GRIN3A: variants seen among roughly 807,000 people sequenced by gnomAD.
GRIN3A encodes the protein glutamate receptor ionotropic, NMDA 3A.
In GRIN3A, 47 loss-of-function variants were observed where a neutral mutation model predicts 92.4. The ratio of observed to expected loss-of-function variants is 0.51; its 90% CI spans 0.40 to 0.65. The LOEUF is 0.65. Among genes scored for constraint, GRIN3A ranks in the 30% least tolerant of loss-of-function variants. The pLI is 0.00. For missense variants in GRIN3A, 1,324 were observed against 1,393.1 expected, an observed-to-expected ratio of 0.95 and a Z score of 0.79; for synonymous variants, 527 against 540.6, an observed-to-expected ratio of 0.97 and a Z score of 0.35.
chr9:101,663,425 G>T (rs1829201361), intron 3 of GRIN3A, among the ~76,000 whole-genome samples: 1 of 151,850 alleles, frequency 6.6e-6, no homozygotes, highest in Admixed American at 6.6e-5. Flanking sequence ...GCTTGGGCTA[G>T]AAGTTGCTGT....
chr9:101,654,302 C>T (rs933740782), intron 3 of GRIN3A, among the ~76,000 whole-genome samples: 4 of 151,276 alleles, frequency 2.6e-5, no homozygotes, highest in African/African-American at 9.7e-5. Flanking sequence ...TATACCTATG[C>T]ACACACATAT....
At chr9:101,612,195 G>A (rs543575486) in intron 6 of GRIN3A, among the ~76,000 whole-genome samples, 4 of 152,332 alleles carry the variant, frequency 2.6e-5, no homozygotes, top group African/African-American at 9.6e-5. Context: ...AAGAATGATG[G>A]CTTGGACTCG....
intron 3 of GRIN3A, among the ~76,000 whole-genome samples, chr9:101,636,589 A>G (rs948541450): frequency 6.6e-6 from 1 of 152,232 alleles, no homozygotes; most frequent in Non-Finnish European, 1.5e-5. Flanking sequence ...CCTCTAGTAT[A>G]TATTGTTATC....
chr9:101,667,266 T>G (rs1829252236), intron 3 of GRIN3A, among the ~76,000 whole-genome samples: 1 of 151,934 alleles, frequency 6.6e-6, no homozygotes, highest in Non-Finnish European at 1.5e-5. Context: ...TAGGTATACT[T>G]TATAGGTAAT....
rs76497586 is a variant in GRIN3A at position 101,654,470 on chromosome 9, A to G, written c.2352+15590T>C. ...GTAACATAATGTGAAATTTACATAC[A>G]TATTTCTTGTTGATGTCTAGTCTAT... is the stretch of plus-strand genomic sequence containing the variant. On this transcript the variant is annotated intron_variant, in intron 3 of 8. Transcript: ENST00000361820. Among the ~76,000 whole-genome samples the G allele has an allele frequency of 4.6e-3, 692 of 151,738 alleles. 4 individuals carry two copies. The highest frequency in any genetic ancestry group is 0.015 in the African/African-American group (635 of 41,458).
chr9:101,661,336 A>G (rs996510956), intron 3 of GRIN3A, among the ~76,000 whole-genome samples: 2 of 151,904 alleles, frequency 1.3e-5, no homozygotes, highest in Non-Finnish European at 2.9e-5. Context: ...AAATAATACA[A>G]TAAATATTTC....
chr9:101,658,401 G>A (rs1015022757), intron 3 of GRIN3A, among the ~76,000 whole-genome samples: 2 of 151,828 alleles, frequency 1.3e-5, no homozygotes, highest in Admixed American at 1.3e-4. Context: ...TTAGGCTGAT[G>A]GTTAATCATC....
rs544327119 is a variant in GRIN3A at position 101,686,803 on chromosome 9, C to T, written c.1097G>A (p.Arg366Lys). 6.2e-7 allele frequency: 1 copy of T among 1,614,156 alleles called. No homozygotes were observed. The highest frequency in any genetic ancestry group is 1.7e-5 in the Admixed American group (1 of 60,016). Reference protein sequence around the residue: ...LGDSQNVEELRTEGLPLGLIA... With the variant: ...LGDSQNVEELKTEGLPLGLIA... ...GAGCCCTAAGGGCAGACCCTCTGTC[C>T]TCAGTTCCTCCACATTCTGGGAATC... Residue 366 changes from arginine to lysine, a missense_variant, in exon 2 of 9, where the codon AGG becomes AAG. By Grantham distance (26) the Arg-to-Lys change is conservative (BLOSUM62 2). Coordinates refer to ENST00000361820, the MANE Select transcript of GRIN3A (RefSeq NM_133445.3).
chr9:101,609,344 CTAT>C (rs1828327953), intron 6 of GRIN3A, among the ~76,000 whole-genome samples: 2 of 152,182 alleles, frequency 1.3e-5, no homozygotes, highest in Admixed American at 1.3e-4. Flanking sequence ...ATTAGTACTT[CTAT>C]TATTTACTAT....
At chr9:101,638,199 TATC>T (rs1828809053) in intron 3 of GRIN3A, among the ~76,000 whole-genome samples, 1 of 152,158 alleles carries the variant, frequency 6.6e-6, no homozygotes, top group Non-Finnish European at 1.5e-5. Flanking sequence ...GTGTAGAGCC[TATC>T]ATCATGGTCT....
intron 3 of GRIN3A, 113 bp from the exon 4 acceptor site, chr9:101,628,514 C>T (rs1828667613): frequency 2.0e-6 from 2 of 996,662 alleles, no homozygotes; most frequent in East Asian, 2.6e-5. Context: ...TTTCTAACCC[C>T]CACAGGCAGA....
intron 3 of GRIN3A, among the ~76,000 whole-genome samples, chr9:101,666,021 T>G (rs1183215848): frequency 1.3e-5 from 2 of 151,906 alleles, no homozygotes; most frequent in Non-Finnish European, 2.9e-5. Context: ...AAAATTAGAA[T>G]TCAAAGTATA....
At chr9:101,661,854 G>C (rs776304704) in intron 3 of GRIN3A, among the ~76,000 whole-genome samples, 1 of 151,808 alleles carries the variant, frequency 6.6e-6, no homozygotes, top group Non-Finnish European at 1.5e-5. Flanking sequence ...ATCTTAATGT[G>C]CTTCCACTAA....
intron 6 of GRIN3A, among the ~76,000 whole-genome samples, chr9:101,608,331 C>A (rs998314686): frequency 2.0e-5 from 3 of 152,160 alleles, no homozygotes; most frequent in African/African-American, 7.2e-5. Context: ...ACAACTTGAT[C>A]CTGATATTAG....
intron 2 of GRIN3A, among the ~76,000 whole-genome samples, chr9:101,674,814 T>TAGTAAGC (rs1398957426): frequency 6.6e-6 from 1 of 151,824 alleles, no homozygotes; most frequent in Non-Finnish European, 1.5e-5. Flanking sequence ...TAAGAGGAGG[T>TAGTAAGC]AGTAAGCATA....
chr9:101,589,708 A>G, intron 6 of GRIN3A, among the ~76,000 whole-genome samples: 1 of 152,112 alleles, frequency 6.6e-6, no homozygotes, highest in East Asian at 1.9e-4. Flanking sequence ...TTTATTATAT[A>G]AAAGTTTGAA....
At chr9:101,708,244 A>T (rs555572248) in intron 1 of GRIN3A, among the ~76,000 whole-genome samples, 1 of 152,258 alleles carries the variant, frequency 6.6e-6, no homozygotes, top group African/African-American at 2.4e-5. Context: ...TGATTTTAAG[A>T]CTTGAATAGT....
intron 1 of GRIN3A, among the ~76,000 whole-genome samples, chr9:101,718,960 A>C (rs574844477): frequency 6.6e-6 from 1 of 152,356 alleles, no homozygotes; most frequent in South Asian, 2.1e-4. Context: ...TAGGTAAAAC[A>C]ACAAGTTAAT....
At chr9:101,624,876 G>T (rs1046024023) in intron 4 of GRIN3A, among the ~76,000 whole-genome samples, 1 of 152,124 alleles carries the variant, frequency 6.6e-6, no homozygotes, top group African/African-American at 2.4e-5. Context: ...AGTTAGAATG[G>T]CAATCATTAA....
Sources: allele counts gnomAD v4.1 joint callset (sites outside exome capture counted in the v4.1 genomes callset), GRCh38; gene constraint gnomAD v4.1.1; transcripts MANE v1.5; gene names NCBI Gene and HGNC (gene_info 2026-07-23, HGNC 2026-07-21).